Variants in MAD1L1 observed in about 807,000 individuals in gnomAD.
The protein encoded by MAD1L1 is mitotic arrest deficient 1 like 1.
Under a neutral mutation model 96.9 loss-of-function variants are expected in MAD1L1, and 95 were observed. The observed-to-expected ratio is 0.98, with a 90% CI of 0.83 to 1.16. The LOEUF (loss-of-function observed/expected upper bound fraction) is 1.16, where lower values mean the gene tolerates loss of function less well. Among genes scored for constraint, MAD1L1 ranks in the 50% most tolerant of loss-of-function variants. MAD1L1 has a pLI of 0.00. For missense variants in MAD1L1, 1,007 were observed against 954.4 expected (o/e 1.06, Z -0.73); for synonymous variants, 473 against 396.6 (o/e 1.19, Z -2.29).
intron 17 of MAD1L1, among the ~76,000 whole-genome samples, chr7:1,903,954 ACACTCTTGCGGAACTC>A (rs1453397406): frequency 1.6e-5 from 2 of 122,258 alleles, no homozygotes; most frequent in Non-Finnish European, 1.8e-5. Context: ...CCTACGGAAG[ACACTCTTGCGGAACTC>A]ATGATTGATG....
At chr7:1,885,720 C>T (rs13438597) in intron 18 of MAD1L1, among the ~76,000 whole-genome samples, 20,907 of 152,198 alleles carry the variant, frequency 0.14, 3,118 homozygotes, top group African/African-American at 0.37. Flanking sequence ...TGACTGCTGC[C>T]CCGTGGAGCA....
chr7:2,120,954 G>A (rs538520809), intron 11 of MAD1L1, among the ~76,000 whole-genome samples: 6 of 152,316 alleles, frequency 3.9e-5, no homozygotes, highest in African/African-American at 1.2e-4. Context: ...CAGACCTGAC[G>A]TGGGGAGGCC....
chr7:1,921,024 G>GA (rs569452921), intron 17 of MAD1L1, among the ~76,000 whole-genome samples: 78 of 152,300 alleles, frequency 5.1e-4, no homozygotes, highest in Non-Finnish European at 8.7e-4. Flanking sequence ...GGGGAGGTGG[G>GA]AAGAGGGCGG....
intron 15 of MAD1L1, among the ~76,000 whole-genome samples, chr7:1,970,229 A>G (rs888527724): frequency 3.3e-5 from 5 of 152,124 alleles, no homozygotes; most frequent in Admixed American, 1.3e-4. Context: ...GGATTCCTGA[A>G]GGGTTGATGT....
chr7:1,899,142 C>G lies in MAD1L1; in HGVS notation c.1808-752G>C, dbSNP rs376186419. Among the ~76,000 whole-genome samples, 7 of 152,248 alleles carry G rather than the reference C, an allele frequency of 4.6e-5. No individual in the cohort carries two copies. In the East Asian group the frequency reaches 1.3e-3, roughly 29 times the overall value. On this transcript the variant is annotated intron_variant, in intron 17 of 18. Coordinates refer to ENST00000265854, the MANE Select transcript of MAD1L1 (RefSeq NM_001013836.2). ...TTCAGGGTACAGCCCCACACCCTGC[C>G]CGTCAGAGTTTACGGCTGCTTGGGG...
chr7:1,842,870 C>T (rs1300781984), intron 18 of MAD1L1, among the ~76,000 whole-genome samples: 1 of 152,260 alleles, frequency 6.6e-6, no homozygotes, highest in Non-Finnish European at 1.5e-5. Context: ...GCTCAGCACA[C>T]GGGCTGCCTT....
chr7:1,918,019 C>G (rs1788523211), intron 17 of MAD1L1, among the ~76,000 whole-genome samples: 1 of 152,144 alleles, frequency 6.6e-6, no homozygotes, highest in Non-Finnish European at 1.5e-5. Context: ...AGCGCTGTAT[C>G]CCTACAACCT....
chr7:1,954,442 G>A (rs1779636271), intron 16 of MAD1L1, among the ~76,000 whole-genome samples: 1 of 152,064 alleles, frequency 6.6e-6, no homozygotes, highest in African/African-American at 2.4e-5. Context: ...AGAGAACAAA[G>A]CGCTGGGGCC....
chr7:2,187,218 G>T (rs374982193), intron 10 of MAD1L1, among the ~76,000 whole-genome samples: 26 of 151,952 alleles, frequency 1.7e-4, no homozygotes, highest in African/African-American at 6.0e-4. Context: ...GCATGGTGGC[G>T]TACACCTGTG....
intron 3 of MAD1L1, among the ~76,000 whole-genome samples, chr7:2,229,098 C>A (rs1344402319): frequency 6.6e-6 from 1 of 152,212 alleles, no homozygotes; most frequent in African/African-American, 2.4e-5. Context: ...CACACGCACA[C>A]ACAGTTTAAC....
At chr7:1,844,516 G>A (rs1404920188) in intron 18 of MAD1L1, among the ~76,000 whole-genome samples, 3 of 152,184 alleles carry the variant, frequency 2.0e-5, no homozygotes, top group Non-Finnish European at 2.9e-5. Flanking sequence ...CCCTGCAGGG[G>A]GCAGAGGCGG....
At chr7:2,217,000 C>T (rs1340284915) in intron 7 of MAD1L1, among the ~76,000 whole-genome samples, 1 of 152,174 alleles carries the variant, frequency 6.6e-6, no homozygotes, top group Non-Finnish European at 1.5e-5. Context: ...ACACTGCACA[C>T]TGCCGGGCTG....
intron 10 of MAD1L1, among the ~76,000 whole-genome samples, chr7:2,187,650 C>T (rs1219601884): frequency 1.3e-5 from 2 of 152,190 alleles, no homozygotes. Context: ...TTCATTAAAT[C>T]TTAACCCCTT....
intron 13 of MAD1L1, among the ~76,000 whole-genome samples, chr7:2,011,868 C>G (rs11514731): frequency 0.17 from 25,232 of 152,150 alleles, 2,617 homozygotes; most frequent in South Asian, 0.3. Flanking sequence ...ACTGCAGGTG[C>G]TGGCCTGCTT....
At chr7:1,994,800 A>C (rs1273342327) in intron 14 of MAD1L1, among the ~76,000 whole-genome samples, 1 of 152,218 alleles carries the variant, frequency 6.6e-6, no homozygotes, top group East Asian at 1.9e-4. Context: ...CTGGACTTCC[A>C]GCCTGCAGAA....
rs80217445 is a variant in MAD1L1 at position 2,071,316 on chromosome 7, C to T, written c.1074-1978G>A. Among the ~76,000 whole-genome samples, 1,458 of 152,324 alleles carry T rather than the reference C, an allele frequency of 9.6e-3. 23 individuals carry two copies. Among genetic ancestry groups the T allele is most frequent in the African/African-American group, 0.033 (1,365 of 41,572 alleles). On this transcript the variant is annotated intron_variant, in intron 11 of 18. Coordinates refer to ENST00000265854, the MANE Select transcript of MAD1L1 (RefSeq NM_001013836.2). ...GCGGTCCTGACCCAGCCAAGCATGG[C>T]GGGAACCCCAACCTGGCCACCCTCA...
chr7:1,871,364 ATGCCTGC>A (rs1785083179), intron 18 of MAD1L1, among the ~76,000 whole-genome samples: 1 of 142,440 alleles, frequency 7.0e-6, no homozygotes, highest in Non-Finnish European at 1.5e-5. Context: ...AACCCAACAT[ATGCCTGC>A]CACGCTGAAC....
chr7:2,181,002 G>A (rs545587923), intron 10 of MAD1L1, among the ~76,000 whole-genome samples: 5 of 152,250 alleles, frequency 3.3e-5, no homozygotes, highest in African/African-American at 4.8e-5. Flanking sequence ...TCCCCTTACC[G>A]GAGAATCCTG....
chr7:2,154,336 T>G (rs771727015), intron 10 of MAD1L1, among the ~76,000 whole-genome samples: 15 of 152,214 alleles, frequency 9.9e-5, no homozygotes, highest in Non-Finnish European at 1.9e-4. Flanking sequence ...TTGAAAGGTC[T>G]GGGTGAGCGG....
Sources: gnomAD v4.1 joint callset for allele counts (sites outside exome capture counted in the v4.1 genomes callset) on GRCh38, gnomAD v4.1.1 for gene constraint, MANE v1.5 for transcripts, NCBI Gene and HGNC (gene_info 2026-07-23, HGNC 2026-07-21) for gene names.